The following GRM7 variants were observed in gnomAD, a reference collection of about 807,000 sequenced individuals.
The protein encoded by GRM7 is metabotropic glutamate receptor 7.
Under a neutral mutation model 84.5 loss-of-function variants are expected in GRM7, and 35 were observed. The ratio of observed to expected loss-of-function variants is 0.41; its 90% CI spans 0.32 to 0.55. The LOEUF (loss-of-function observed/expected upper bound fraction) is 0.55. GRM7 is among the 20% of genes least tolerant of loss of function. GRM7 has a pLI of 0.19. For missense variants in GRM7, 1,003 were observed against 1,194.6 expected (o/e 0.84, Z 2.36); for synonymous variants, 487 against 455.1 (o/e 1.07, Z -0.89).
intron 1 of GRM7, among the ~76,000 whole-genome samples, chr3:6,999,154 C>G (rs1405909574): frequency 6.6e-6 from 1 of 152,200 alleles, no homozygotes; most frequent in African/African-American, 2.4e-5. Context: ...AATCATCTCT[C>G]TCAAGTTCAA....
chr3:6,871,228 C>T (rs185946264), intron 1 of GRM7, among the ~76,000 whole-genome samples: 1 of 152,230 alleles, frequency 6.6e-6, no homozygotes, highest in African/African-American at 2.4e-5. Context: ...ATGTTTCTCC[C>T]TGATGTTATA....
chr3:7,050,662 A>C (rs1310096902), intron 1 of GRM7, among the ~76,000 whole-genome samples: 1 of 151,980 alleles, frequency 6.6e-6, no homozygotes, highest in African/African-American at 2.4e-5. Context: ...CTGCAAAAGC[A>C]GGGAAGTGGG....
chr3:7,554,013 A>G (rs771557243), intron 7 of GRM7, among the ~76,000 whole-genome samples: 2 of 152,196 alleles, frequency 1.3e-5, no homozygotes, highest in African/African-American at 4.8e-5. Context: ...GGGCAGGGGT[A>G]AAGGGTCTCA....
chr3:7,407,872 T>C (rs1011728151), intron 4 of GRM7, among the ~76,000 whole-genome samples: 1 of 152,196 alleles, frequency 6.6e-6, no homozygotes, highest in East Asian at 1.9e-4. Flanking sequence ...GTTTCTTAAA[T>C]TTTTTGTTAT....
intron 1 of GRM7, among the ~76,000 whole-genome samples, chr3:7,090,204 A>C (rs988523488): frequency 6.6e-6 from 1 of 152,184 alleles, no homozygotes; most frequent in African/African-American, 2.4e-5. Flanking sequence ...TTTAAAAAGG[A>C]ATAAGCATGT....
At chr3:7,418,683 C>A (rs1696272301) in intron 5 of GRM7, among the ~76,000 whole-genome samples, 1 of 152,064 alleles carries the variant, frequency 6.6e-6, no homozygotes, top group African/African-American at 2.4e-5. Flanking sequence ...TAATATGTTT[C>A]AATGGAGATA....
At chr3:7,276,816 G>T in intron 2 of GRM7, among the ~76,000 whole-genome samples, 2 of 80 alleles carry the variant, frequency 0.025, 1 homozygote, top group Non-Finnish European at 0.077. Context: ...TTTGGTGGTG[G>T]CATGTTGTTG....
intron 8 of GRM7, among the ~76,000 whole-genome samples, chr3:7,613,814 T>C (rs577188998): frequency 1.7e-4 from 26 of 152,314 alleles, no homozygotes; most frequent in South Asian, 8.3e-4. Context: ...ATATACATAC[T>C]GTATCTTGTA....
At chr3:7,134,342 T>C (rs1017022299) in intron 1 of GRM7, among the ~76,000 whole-genome samples, 1 of 152,138 alleles carries the variant, frequency 6.6e-6, no homozygotes, top group African/African-American at 2.4e-5. Context: ...ATAGTCTATC[T>C]CTATTCCTGA....
rs574975343 is a variant in GRM7 at position 7,053,225 on chromosome 3, CT to C, written c.520-93218del. Among the ~76,000 whole-genome samples, 315 of 149,118 alleles carry C rather than the reference CT, an allele frequency of 2.1e-3. 1 individual carries two copies. The highest frequency in any genetic ancestry group is 7.2e-3 in the African/African-American group (295 of 40,802). Reference sequence around the variant, plus strand: ...TTTTGGTAAAATGTCTATTCAAATCCTTTTTTTTTACTTTAGTTATCTTATT... The same window carrying C: ...TTTTGGTAAAATGTCTATTCAAATCCTTTTTTTTACTTTAGTTATCTTATT... On this transcript the variant is annotated intron_variant, in intron 1 of 9. Transcript: ENST00000357716.
rs773460335 is a variant in GRM7 at position 7,008,213 on chromosome 3, T to C, written c.520-138239T>C. On this transcript the variant is annotated intron_variant, in intron 1 of 9. Transcript: ENST00000357716. ...TTCTCATTGTGTCAATGCCTGTCTCTGACCTAGAAGGAGTTATAGGGCTAA... is the reference window on the plus strand; with the variant it reads ...TTCTCATTGTGTCAATGCCTGTCTCCGACCTAGAAGGAGTTATAGGGCTAA... 3.9e-5 allele frequency among the ~76,000 whole-genome samples: 6 copies of C among 152,314 alleles called. No homozygotes were observed. In the East Asian group the frequency reaches 9.7e-4, roughly 25 times the overall value.
chr3:6,922,034 T>TG (rs1272074372), intron 1 of GRM7, among the ~76,000 whole-genome samples: 1 of 152,188 alleles, frequency 6.6e-6, no homozygotes, highest in East Asian at 1.9e-4. Flanking sequence ...TGGAGGGCCG[T>TG]GGGGTTAGGT....
chr3:6,861,360 G>T lies in GRM7; in HGVS notation c.-29G>T. ...GCCCACCACCGTTCCCTCCAGCGCC[G>T]CCGCCGCCACCGCAGCAGCCGGAGC... On this transcript the variant is annotated 5_prime_UTR_variant, in exon 1 of 10. Coordinates refer to ENST00000357716, the MANE Select transcript of GRM7 (RefSeq NM_000844.4). This position sits in a 1 kb window ranked among gnomAD's most constrained non-coding sequence, Gnocchi z 6.4. 1 of 1,479,482 alleles carries T rather than the reference G, an allele frequency of 6.8e-7. No individual in the cohort carries two copies. Among genetic ancestry groups the T allele is most frequent in the Non-Finnish European group, 8.9e-7 (1 of 1,126,510 alleles). The allele number at this position is 1,479,482 out of a possible 1,614,324, so 91.6% of individuals were successfully genotyped here. A position where few individuals can be genotyped will look rare whatever the true frequency, so the allele number is the denominator to read the frequency against.
At chr3:7,001,395 G>C (rs573710533) in intron 1 of GRM7, among the ~76,000 whole-genome samples, 2 of 152,118 alleles carry the variant, frequency 1.3e-5, no homozygotes, top group African/African-American at 4.8e-5. Context: ...GTTTGTGCAC[G>C]TGAATATGCT....
intron 5 of GRM7, among the ~76,000 whole-genome samples, chr3:7,422,800 C>A (rs1420313556): frequency 1.3e-5 from 2 of 151,768 alleles, no homozygotes; most frequent in African/African-American, 4.8e-5. Flanking sequence ...CCATCCTTCC[C>A]AAAAGCAATG....
chr3:7,455,105 T>C (rs1357762519), intron 6 of GRM7, among the ~76,000 whole-genome samples: 2 of 152,102 alleles, frequency 1.3e-5, no homozygotes, highest in East Asian at 1.9e-4. Context: ...AGAGATCCCA[T>C]TGGCCAACTC....
intron 8 of GRM7, among the ~76,000 whole-genome samples, chr3:7,639,832 CAG>C (rs1244084355): frequency 2.0e-5 from 3 of 152,102 alleles, no homozygotes; most frequent in Admixed American, 6.6e-5. Context: ...TTCCATCACT[CAG>C]AAAGTTTTTT....
chr3:7,127,226 C>G (rs12495971), intron 1 of GRM7, among the ~76,000 whole-genome samples: 36,610 of 152,038 alleles, frequency 0.24, 4,570 homozygotes, highest in Non-Finnish European at 0.26. Flanking sequence ...ATATTGACAG[C>G]GTCACACCTT....
At chr3:6,887,091 A>T (rs569952245) in intron 1 of GRM7, among the ~76,000 whole-genome samples, 1 of 152,142 alleles carries the variant, frequency 6.6e-6, no homozygotes, top group African/African-American at 2.4e-5. Context: ...TTTTCACTTT[A>T]TGAGTCTTGT....
Sources: allele counts gnomAD v4.1 joint callset (sites outside exome capture counted in the v4.1 genomes callset), GRCh38; gene constraint gnomAD v4.1.1; non-coding constraint Gnocchi (gnomAD v3.1); transcripts MANE v1.5; gene names NCBI Gene and HGNC (gene_info 2026-07-23, HGNC 2026-07-21).